The following NLGN1 variants were observed in gnomAD, a reference collection of about 807,000 sequenced individuals.
NLGN1 encodes the protein neuroligin 1.
NLGN1 carries 12 observed loss-of-function variants against 65.5 expected under a neutral mutation model. The observed-to-expected ratio is 0.18, with a 90% CI of 0.12 to 0.30. The LOEUF is 0.30. Among genes scored for constraint, NLGN1 ranks in the 10% least tolerant of loss-of-function variants. The pLI is 1.00. For synonymous variants in NLGN1, 350 were observed against 359.5 expected (o/e 0.97, Z 0.30); for missense variants, 750 against 1,007.1 (o/e 0.74, Z 3.46).
intron 4 of NLGN1, among the ~76,000 whole-genome samples, chr3:173,832,738 A>G (rs568084265): frequency 1.3e-5 from 2 of 152,350 alleles, no homozygotes; most frequent in Non-Finnish European, 2.9e-5. Context: ...AAAGTAATAC[A>G]TGTACATGAT....
At chr3:174,174,634 T>C (rs1729120029) in intron 4 of NLGN1, among the ~76,000 whole-genome samples, 1 of 152,002 alleles carries the variant, frequency 6.6e-6, no homozygotes, top group African/African-American at 2.4e-5. Flanking sequence ...CTTCTGAGAA[T>C]TGTCTATTCA....
At chr3:173,650,095 G>C (rs975431184) in intron 3 of NLGN1, among the ~76,000 whole-genome samples, 3 of 151,906 alleles carry the variant, frequency 2.0e-5, no homozygotes, top group African/African-American at 7.3e-5. Context: ...TACACAAATA[G>C]TGGCATACTG....
At chr3:173,794,026 G>C (rs1358740418) in intron 3 of NLGN1, among the ~76,000 whole-genome samples, 2 of 151,920 alleles carry the variant, frequency 1.3e-5, no homozygotes, top group Non-Finnish European at 2.9e-5. Flanking sequence ...CAGCCACACT[G>C]ACCTCCAGGC....
chr3:173,850,149 G>A (rs923274424), intron 4 of NLGN1, among the ~76,000 whole-genome samples: 3 of 152,066 alleles, frequency 2.0e-5, no homozygotes, highest in African/African-American at 4.8e-5. Flanking sequence ...ATCCTTCCAA[G>A]CATCAATTCT....
intron 1 of NLGN1, among the ~76,000 whole-genome samples, chr3:173,415,049 C>G (rs2148665140): frequency 6.6e-6 from 1 of 152,336 alleles, no homozygotes; most frequent in East Asian, 1.9e-4. Flanking sequence ...CAAACTTCTC[C>G]TTGGTCTTTG....
chr3:173,482,147 C>G (rs1727402444), intron 2 of NLGN1, among the ~76,000 whole-genome samples: 1 of 151,824 alleles, frequency 6.6e-6, no homozygotes, highest in South Asian at 2.1e-4. Context: ...AAGTGGTCCT[C>G]CATGTGTTAT....
At chr3:174,190,162 A>G (rs547082461) in intron 4 of NLGN1, among the ~76,000 whole-genome samples, 1 of 152,230 alleles carries the variant, frequency 6.6e-6, no homozygotes, top group East Asian at 1.9e-4. Flanking sequence ...AGTTGTATTT[A>G]AGTAGCATAG....
chr3:173,806,657 A>G (rs944480513), intron 3 of NLGN1, among the ~76,000 whole-genome samples: 3 of 152,144 alleles, frequency 2.0e-5, no homozygotes, highest in Non-Finnish European at 4.4e-5. Context: ...AGATAGAACT[A>G]TGTTTGCTGA....
At chr3:173,515,855 A>G (rs1342816319) in intron 2 of NLGN1, among the ~76,000 whole-genome samples, 1 of 152,014 alleles carries the variant, frequency 6.6e-6, no homozygotes, top group African/African-American at 2.4e-5. Context: ...TCAGTTGACC[A>G]TATATGCATG....
intron 3 of NLGN1, among the ~76,000 whole-genome samples, chr3:173,712,651 A>G (rs1432769122): frequency 6.6e-6 from 1 of 152,190 alleles, no homozygotes; most frequent in African/African-American, 2.4e-5. Flanking sequence ...GCCCAGAACA[A>G]GTAGTGCCTA....
chr3:173,591,870 A>G (rs1304570942), intron 2 of NLGN1, among the ~76,000 whole-genome samples: 1 of 152,158 alleles, frequency 6.6e-6, no homozygotes, highest in Non-Finnish European at 1.5e-5. Flanking sequence ...TTGCTTCTGG[A>G]AGCAATGACT....
chr3:174,165,373 T>C (rs1727307482), intron 4 of NLGN1, among the ~76,000 whole-genome samples: 1 of 152,030 alleles, frequency 6.6e-6, no homozygotes, highest in Admixed American at 6.6e-5. Context: ...GGTATGTTCC[T>C]TTAAAGCCTA....
In NLGN1 at chr3:174,124,633, G is replaced by GTA. The variant is rs558470721; in HGVS notation, c.647-150673_647-150672dup. ...CGTATATATACGTATACACATATAC[G>GTA]TATATATATAAGTACATACTTATAT... On this transcript the variant is annotated intron_variant, in intron 4 of 6. Transcript: ENST00000457714. 1.2e-3 allele frequency among the ~76,000 whole-genome samples: 140 copies of GTA among 119,840 alleles called. 1 individual carries two copies. The highest frequency in any genetic ancestry group is 1.9e-3 in the Non-Finnish European group (116 of 59,920). 78.6% of individuals were successfully genotyped at this position (119,840 alleles called of 152,430 possible). A position where few individuals can be genotyped will look rare whatever the true frequency, so the allele number is the denominator to read the frequency against.
At chr3:173,862,100 A>G (rs1729222368) in intron 4 of NLGN1, among the ~76,000 whole-genome samples, 1 of 152,090 alleles carries the variant, frequency 6.6e-6, no homozygotes, top group Non-Finnish European at 1.5e-5. Context: ...CTAGGTAGTT[A>G]AAAATATTAA....
intron 4 of NLGN1, among the ~76,000 whole-genome samples, chr3:174,267,371 T>G (rs921697617): frequency 6.6e-6 from 1 of 152,122 alleles, no homozygotes; most frequent in Non-Finnish European, 1.5e-5. Context: ...CTCCTCCTAA[T>G]AGGCCCCACC....
At chr3:173,670,838 TA>T (rs143372665) in intron 3 of NLGN1, among the ~76,000 whole-genome samples, 1,609 of 152,126 alleles carry the variant, frequency 0.011, 34 homozygotes, top group African/African-American at 0.036. Context: ...GTTCTTAGCA[TA>T]AAAAATAAAG....
rs1162595100 is a variant in NLGN1, at chr3:174,211,901, TG to T, written c.647-63412del. On this transcript the variant is annotated intron_variant, in intron 4 of 6. Transcript: ENST00000457714. The stretch of plus-strand genomic sequence containing the variant: ...TCCCCACCAGACTCAGGAGCCCAGC[TG>T]GCTTCACCCAGTAGATCCCGCACTG... Among the ~76,000 whole-genome samples, 9 of 152,200 alleles carry T rather than the reference TG, an allele frequency of 5.9e-5. No homozygotes were observed. In the East Asian group the frequency reaches 1.8e-3, roughly 30 times the overall value.
intron 4 of NLGN1, among the ~76,000 whole-genome samples, chr3:174,135,118 A>C (rs537171395): frequency 6.6e-6 from 1 of 152,306 alleles, no homozygotes; most frequent in Admixed American, 6.5e-5. Context: ...ATTGTTTCTT[A>C]AGATTTCTAA....
intron 4 of NLGN1, among the ~76,000 whole-genome samples, chr3:174,256,297 T>C (rs1480213084): frequency 6.6e-6 from 1 of 152,206 alleles, no homozygotes; most frequent in Non-Finnish European, 1.5e-5. Context: ...AATCCAGAGA[T>C]TGGTTGCTTA....
Sources: allele counts gnomAD v4.1 joint callset (sites outside exome capture counted in the v4.1 genomes callset), GRCh38; gene constraint gnomAD v4.1.1; transcripts MANE v1.5; gene names NCBI Gene and HGNC (gene_info 2026-07-23, HGNC 2026-07-21).